WASHC2A: variants seen among roughly 807,000 people sequenced by gnomAD.
WASHC2A encodes the protein WASH complex subunit 2A.
WASHC2A carries 82 observed loss-of-function variants against 140.3 expected under a neutral mutation model. The observed-to-expected ratio is 0.58, with a 90% CI of 0.49 to 0.70. WASHC2A has a LOEUF of 0.70. WASHC2A is among the 30% of genes least tolerant of loss of function. The pLI is 0.00. For synonymous variants in WASHC2A, 340 were observed against 560.8 expected (o/e 0.61, Z 5.56); for missense variants, 985 against 1,521.8 (o/e 0.65, Z 5.87).
intron 4 of WASHC2A, 70 bp downstream of exon 4, chr10:50,078,807 G>A: frequency 6.2e-7 from 1 of 1,611,876 alleles, no homozygotes; most frequent in South Asian, 1.1e-5. Context: ...GATGTGTTAT[G>A]TGGGAACTGG....
chr10:50,092,603 G>C (rs1180597353), intron 11 of WASHC2A, among the ~76,000 whole-genome samples: 1 of 152,084 alleles, frequency 6.6e-6, no homozygotes, highest in African/African-American at 2.4e-5. Flanking sequence ...ATTGCAGTGA[G>C]CCTTGATCGC....
rs1843926208 is a variant in WASHC2A at position 50,131,084 on chromosome 10, T to G, written c.3886+6T>G. On this transcript the variant is annotated splice_donor_region_variant and intron_variant, in intron 30 of 30. Coordinates refer to ENST00000282633, the MANE Select transcript of WASHC2A (RefSeq NM_001005751.3). ...TATATTTGATGATGATATGGGTAAGTTTGGTTTTCTACATCTGACCTAGAG... is the reference window on the plus strand; with the variant it reads ...TATATTTGATGATGATATGGGTAAGGTTGGTTTTCTACATCTGACCTAGAG... 6.2e-7 allele frequency: 1 copy of G among 1,611,778 alleles called. No homozygotes were observed. Among genetic ancestry groups the G allele is most frequent in the Non-Finnish European group, 8.5e-7 (1 of 1,179,830 alleles).
intron 8 of WASHC2A, among the ~76,000 whole-genome samples, chr10:50,088,940 G>T: frequency 1.0e-5 from 1 of 99,860 alleles, no homozygotes; most frequent in East Asian, 2.4e-4. Context: ...ATCTGTAAAT[G>T]CAAACAGTTT....
intron 17 of WASHC2A, among the ~76,000 whole-genome samples, chr10:50,103,032 A>T (rs1589230623): frequency 1.3e-5 from 2 of 150,322 alleles, no homozygotes; most frequent in African/African-American, 4.9e-5. Context: ...ACACCTGGCT[A>T]ATCTGGTATT....
In WASHC2A at chr10:50,106,689, A is replaced by T. The variant is rs561450751; in HGVS notation, c.1869+224A>T. Among the ~76,000 whole-genome samples, 164 of 139,370 alleles carry T rather than the reference A, an allele frequency of 1.2e-3. 1 individual carries two copies. Among genetic ancestry groups the T allele is most frequent in the African/African-American group, 3.9e-3 (156 of 39,688 alleles). 91.4% of individuals were successfully genotyped at this position (139,370 alleles called of 152,430 possible). A position where few individuals can be genotyped will look rare whatever the true frequency, so the allele number is the denominator to read the frequency against. ...GGAATAGGTATGACTCCCACACAAT[A>T]GTGTATGCTCCTTCAAATGAGTTAG... On this transcript the variant is annotated intron_variant, in intron 19 of 30. Transcript: ENST00000282633.
chr10:50,097,558 A>G, intron 15 of WASHC2A, 117 bp from the exon 16 acceptor site: 3 of 796,684 alleles, frequency 3.8e-6, no homozygotes, highest in Non-Finnish European at 5.8e-6. Flanking sequence ...ATAACTAATC[A>G]AGAAACAACA....
intron 13 of WASHC2A, among the ~76,000 whole-genome samples, 164 bp downstream of exon 13, chr10:50,094,081 A>G (rs1270998578): frequency 2.6e-5 from 4 of 151,966 alleles, no homozygotes; most frequent in Non-Finnish European, 4.4e-5. Flanking sequence ...TCACTAATTC[A>G]TGTCTTGGAA....
rs782790326 is a variant in WASHC2A, at chr10:50,106,441, C to G, written c.1845C>G (p.Ala615=). Reference sequence around the variant, plus strand: ...AGCTCTCCAAAAAGAAAGCATCTGCCCTGTTGTTCAGCAGTGATGAGGAGG... The same window carrying G: ...AGCTCTCCAAAAAGAAAGCATCTGCGCTGTTGTTCAGCAGTGATGAGGAGG... The part of the protein sequence containing the change: ...ASELSKKKAS[A]LLFSSDEEDQ... Residue 615 remains alanine, a synonymous_variant, in exon 19 of 31, where the codon GCC becomes GCG. Coordinates refer to ENST00000282633, the MANE Select transcript of WASHC2A (RefSeq NM_001005751.3). The G allele has an allele frequency of 3.7e-6, 6 of 1,611,430 alleles. No individual in the cohort carries two copies. In the Admixed American group the frequency reaches 5.0e-5, roughly 13 times the overall value.
chr10:50,115,913 T>A (rs1469376066), intron 21 of WASHC2A, among the ~76,000 whole-genome samples: 1 of 152,300 alleles, frequency 6.6e-6, no homozygotes, highest in African/African-American at 2.4e-5. Context: ...GTCAGGAGTT[T>A]AGGACCAGCC....
intron 23 of WASHC2A, among the ~76,000 whole-genome samples, chr10:50,122,017 GGAACT>G (rs1843069728): frequency 1.9e-5 from 2 of 108,042 alleles, no homozygotes; most frequent in East Asian, 6.4e-4. Context: ...AAATTTTTAT[GGAACT>G]GTAAGAGACC....
chr10:50,075,629 A>G (rs1554877593), intron 3 of WASHC2A, among the ~76,000 whole-genome samples: 1 of 148,102 alleles, frequency 6.8e-6, no homozygotes, highest in Non-Finnish European at 1.5e-5. Flanking sequence ...CTTATAGATA[A>G]CCTTTATTGT....
chr10:50,131,742 C>T (rs976539489), intron 30 of WASHC2A, among the ~76,000 whole-genome samples: 54 of 152,354 alleles, frequency 3.5e-4, no homozygotes, highest in African/African-American at 1.3e-3. Context: ...TGGGAGACAG[C>T]TGGTGCTGCA....
At chr10:50,088,631 T>C (rs1554881767) in intron 8 of WASHC2A, among the ~76,000 whole-genome samples, 1 of 125,666 alleles carries the variant, frequency 8.0e-6, no homozygotes, top group Non-Finnish European at 1.7e-5. Context: ...TAGAGTTATG[T>C]TAATAACTCT....
At chr10:50,127,958 C>T (rs1238613696) in intron 28 of WASHC2A, among the ~76,000 whole-genome samples, 163 bp downstream of exon 28, 1 of 152,154 alleles carries the variant, frequency 6.6e-6, no homozygotes, top group Non-Finnish European at 1.5e-5. Flanking sequence ...TCCCCACCCC[C>T]CTCATCCTGC....
At chr10:50,099,491 G>T (rs1360367406) in intron 16 of WASHC2A, among the ~76,000 whole-genome samples, 2 of 151,212 alleles carry the variant, frequency 1.3e-5, no homozygotes, top group African/African-American at 4.9e-5. Context: ...TCTTTTTGAT[G>T]CTCAGATTGA....
intron 11 of WASHC2A, among the ~76,000 whole-genome samples, chr10:50,092,596 G>T (rs1165803344): frequency 4.6e-5 from 7 of 152,056 alleles, no homozygotes; most frequent in African/African-American, 1.7e-4. Context: ...GGCAGAGATT[G>T]CAGTGAGCCT....
intron 23 of WASHC2A, among the ~76,000 whole-genome samples, chr10:50,123,850 A>AT (rs1256032784): frequency 1.1e-4 from 17 of 150,496 alleles, no homozygotes; most frequent in Non-Finnish European, 1.5e-4. Flanking sequence ...TGTTATATGA[A>AT]TTTTTTTGTT....
intron 29 of WASHC2A, 94 bp downstream of exon 29, chr10:50,130,133 G>A (rs1843811307): frequency 1.3e-5 from 19 of 1,514,788 alleles, no homozygotes; most frequent in South Asian, 9.5e-5. Flanking sequence ...AGCTTGTTGC[G>A]TGCATACCCC....
chr10:50,129,765 T>C lies in WASHC2A; in HGVS notation c.3434T>C (p.Val1145Ala). 7 of 1,611,986 alleles carry C rather than the reference T, an allele frequency of 4.3e-6. No homozygotes were observed. Among genetic ancestry groups the C allele is most frequent in the Non-Finnish European group, 5.9e-6 (7 of 1,179,862 alleles). ...TCCACGGGCACTGGATCTCAGTCTG[T>C]GGAGAGAACAAAACCCAAGGCAAAG... ...IFSTGTGSQS[V>A]ERTKPKAKIA... The change falls in exon 29 of 31, where the codon GTG (valine) becomes GCG (alanine). Residue 1145 changes from valine to alanine, a missense_variant. By Grantham distance (64) the Val-to-Ala change is moderately conservative. Coordinates refer to ENST00000282633, the MANE Select transcript of WASHC2A (RefSeq NM_001005751.3).
Sources: gnomAD v4.1 joint callset for allele counts (sites outside exome capture counted in the v4.1 genomes callset) on GRCh38, gnomAD v4.1.1 for gene constraint, MANE v1.5 for transcripts, NCBI Gene and HGNC (gene_info 2026-07-23, HGNC 2026-07-21) for gene names.